ARHGEF18: variants seen among roughly 807,000 people sequenced by gnomAD.
ARHGEF18 encodes Rho/Rac guanine nucleotide exchange factor 18.
ARHGEF18 carries 93 observed loss-of-function variants against 155.7 expected under a neutral mutation model. That is an observed-to-expected ratio of 0.60 (90% confidence interval 0.50 to 0.71). The LOEUF is 0.71. Among genes scored for constraint, ARHGEF18 ranks in the 30% least tolerant of loss-of-function variants. The probability of loss-of-function intolerance (pLI) is 0.00; values close to 1 mark genes in which losing one functional copy is unlikely to be tolerated. For missense variants in ARHGEF18, 1,593 were observed against 1,816.1 expected, an observed-to-expected ratio of 0.88 and a Z score of 2.23; for synonymous variants, 742 against 753.1, an observed-to-expected ratio of 0.99 and a Z score of 0.24.
chr19:7,407,582 A>G (rs1005945559), intron 10 of ARHGEF18, among the ~76,000 whole-genome samples: 2 of 152,084 alleles, frequency 1.3e-5, no homozygotes, highest in African/African-American at 4.8e-5. Context: ...CACATCAGGG[A>G]TAGAGCATTG....
intron 10 of ARHGEF18, among the ~76,000 whole-genome samples, chr19:7,433,813 A>G (rs1974102903): frequency 6.6e-6 from 1 of 151,994 alleles, no homozygotes; most frequent in Admixed American, 6.6e-5. Flanking sequence ...TGAGGCCAGG[A>G]GTTTGAGACC....
intron 19 of ARHGEF18, among the ~76,000 whole-genome samples, chr19:7,459,190 C>T (rs1325881496): frequency 2.0e-5 from 3 of 152,110 alleles, no homozygotes; most frequent in Admixed American, 1.3e-4. Context: ...GGATTACAGG[C>T]GTGAGCCACT....
intron 10 of ARHGEF18, among the ~76,000 whole-genome samples, chr19:7,398,704 A>AT (rs1555708477): frequency 2.7e-4 from 40 of 147,160 alleles, no homozygotes; most frequent in Admixed American, 6.7e-4. Context: ...AAAAAAAAAA[A>AT]AAATAAAGAA....
chr19:7,435,799 C>T (rs1974220431), intron 10 of ARHGEF18, among the ~76,000 whole-genome samples: 1 of 152,164 alleles, frequency 6.6e-6, no homozygotes, highest in African/African-American at 2.4e-5. Flanking sequence ...GCATGTGTTC[C>T]AGGAAGACTC....
rs1394317052 is a variant in ARHGEF18, at chr19:7,467,529, C to G, written c.3325C>G (p.Leu1109Val). ...GCGGCTGGAGCAGGAGCGGGCCGAG[C>G]TGGAGCGCCAGCGCCAGGCCTACCA... ...RERLEQERAELERQRQAYQHD... is the reference protein window; with the variant it reads ...RERLEQERAEVERQRQAYQHD... Residue 1109 changes from leucine (L) to valine (V), a missense_variant, in exon 26 of 29, where the codon CTG (leucine) becomes GTG (valine). Coordinates refer to ENST00000668164, the MANE Select transcript of ARHGEF18 (RefSeq NM_001367823.1). 1.4e-6 allele frequency: 2 copies of G among 1,443,004 alleles called. No homozygotes were observed. The highest frequency in any genetic ancestry group is 5.8e-5 in the East Asian group (2 of 34,676). 89.4% of individuals were successfully genotyped at this position (1,443,004 alleles called of 1,614,324 possible). A position where few individuals can be genotyped will look rare whatever the true frequency, so the allele number is the denominator to read the frequency against.
chr19:7,456,289 G>C (rs753216386), intron 17 of ARHGEF18, 38 bp from the exon 18 acceptor site: 1 of 1,604,752 alleles, frequency 6.2e-7, no homozygotes, highest in Non-Finnish European at 8.5e-7. Flanking sequence ...CCTGGCTATG[G>C]GACTTTTAAG....
Position 7,470,223 on chromosome 19 carries a change from A to T in ARHGEF18, c.4011A>T (p.Pro1337=), listed in dbSNP as rs1487344584. 1.2e-6 allele frequency: 2 copies of T among 1,609,226 alleles called. No individual in the cohort carries two copies. The highest frequency in any genetic ancestry group is 1.7e-6 in the Non-Finnish European group (2 of 1,178,518). The part of the protein sequence containing the change: ...AGGTALLPGP[P]APSPLPATPL... ...GCACAGCCCTCCTGCCCGGGCCCCC[A>T]GCTCCCTCGCCACTGCCGGCCACAC... Residue 1337 remains proline, a synonymous_variant, in exon 29 of 29, where the codon CCA becomes CCT. Transcript: ENST00000668164. This position sits in a 1 kb window ranked among gnomAD's most constrained non-coding sequence, Gnocchi z 5.9.
At chr19:7,415,779 C>G (rs950616798) in intron 10 of ARHGEF18, among the ~76,000 whole-genome samples, 8 of 152,012 alleles carry the variant, frequency 5.3e-5, no homozygotes, top group South Asian at 2.1e-4. Context: ...AACAAAACTA[C>G]AGTTGAGCCT....
At chr19:7,447,581 G>C (rs1975077378) in intron 15 of ARHGEF18, among the ~76,000 whole-genome samples, 2 of 152,022 alleles carry the variant, frequency 1.3e-5, no homozygotes, top group African/African-American at 4.8e-5. Context: ...GTAGAGTCTT[G>C]AGACTTGGGA....
intron 1 of ARHGEF18, among the ~76,000 whole-genome samples, chr19:7,350,376 A>G (rs549714901): frequency 1.3e-5 from 2 of 152,302 alleles, no homozygotes; most frequent in East Asian, 3.9e-4. Flanking sequence ...AGAAAAGAAC[A>G]TGACAACCAA....
chr19:7,448,880 T>C (rs145611456), intron 15 of ARHGEF18, among the ~76,000 whole-genome samples: 7 of 152,098 alleles, frequency 4.6e-5, no homozygotes, highest in Admixed American at 2.6e-4. Context: ...TCTATCAACA[T>C]TCACCTCTTT....
At chr19:7,411,960 C>T (rs563972756) in intron 10 of ARHGEF18, among the ~76,000 whole-genome samples, 2 of 152,130 alleles carry the variant, frequency 1.3e-5, no homozygotes, top group African/African-American at 2.4e-5. Context: ...TTACAGTGTG[C>T]GTGTATGTCA....
intron 15 of ARHGEF18, among the ~76,000 whole-genome samples, chr19:7,450,015 G>T (rs4804637): frequency 0.24 from 36,805 of 152,028 alleles, 4,627 homozygotes; most frequent in East Asian, 0.28. Flanking sequence ...TGATCCCTGC[G>T]TTCAGGTATC....
intron 1 of ARHGEF18, among the ~76,000 whole-genome samples, chr19:7,357,998 C>T (rs1449597773): frequency 6.6e-6 from 1 of 152,122 alleles, no homozygotes; most frequent in Non-Finnish European, 1.5e-5. Context: ...TTCCTCACCC[C>T]CTCAGAATGC....
intron 10 of ARHGEF18, chr19:7,439,989 G>C: frequency 6.5e-7 from 1 of 1,548,954 alleles, no homozygotes. Context: ...CGCTGCTTCA[G>C]CCAATACAGC....
At chr19:7,456,261 G>C in intron 17 of ARHGEF18, 66 bp from the exon 18 acceptor site, 1 of 1,441,730 alleles carries the variant, frequency 6.9e-7, no homozygotes, top group Non-Finnish European at 9.8e-7. Flanking sequence ...GCATCCGCGG[G>C]GGTGGCCAGC....
intron 16 of ARHGEF18, among the ~76,000 whole-genome samples, chr19:7,451,626 G>T (rs1975482349): frequency 6.6e-6 from 1 of 151,814 alleles, no homozygotes; most frequent in Non-Finnish European, 1.5e-5. Context: ...TGTTACCCAG[G>T]CTGGTGTGGA....
chr19:7,459,166 T>A (rs7246070), intron 19 of ARHGEF18, among the ~76,000 whole-genome samples: 82,856 of 151,524 alleles, frequency 0.55, 22,943 homozygotes, highest in African/African-American at 0.63. Flanking sequence ...TGCCTCAGCC[T>A]CCCCGAGTAG....
chr19:7,403,844 C>T (rs549935682), intron 10 of ARHGEF18, among the ~76,000 whole-genome samples: 8 of 151,962 alleles, frequency 5.3e-5, no homozygotes, highest in Non-Finnish European at 1.2e-4. Context: ...GCAGGCAGAT[C>T]ACCTGAGGTT....
Sources: gnomAD v4.1 joint callset for allele counts (sites outside exome capture counted in the v4.1 genomes callset) on GRCh38, gnomAD v4.1.1 for gene constraint, Gnocchi (gnomAD v3.1) non-coding constraint, MANE v1.5 for transcripts, NCBI Gene and HGNC (gene_info 2026-07-23, HGNC 2026-07-21) for gene names.